Variants in CACNA1H observed in about 807,000 individuals in gnomAD.
CACNA1H encodes voltage-dependent T-type calcium channel subunit alpha-1H.
A neutral mutation model predicts 192.5 loss-of-function variants in CACNA1H; 149 were observed. That is an observed-to-expected ratio of 0.77 (90% CI 0.68 to 0.89). The LOEUF is 0.89. CACNA1H is among the 40% of genes least tolerant of loss of function. The probability of loss-of-function intolerance (pLI) is 0.00; values close to 1 mark genes in which losing one functional copy is unlikely to be tolerated. For missense variants in CACNA1H, 4,257 were observed against 3,423.5 expected (o/e 1.24, Z -6.08); for synonymous variants, 2,202 against 1,475.2 (o/e 1.49, Z -11.29).
intron 2 of CACNA1H, among the ~76,000 whole-genome samples, chr16:1,172,575 G>T (rs541186763): frequency 6.6e-6 from 1 of 152,286 alleles, no homozygotes; most frequent in South Asian, 2.1e-4. Context: ...TGGGTAGTCT[G>T]CACTCCACAC....
intron 2 of CACNA1H, among the ~76,000 whole-genome samples, chr16:1,173,079 TGGGAAGCC>T (rs1964526943): frequency 6.6e-6 from 1 of 151,890 alleles, no homozygotes; most frequent in African/African-American, 2.4e-5. Flanking sequence ...CCTGGGGAGC[TGGGAAGCC>T]CAAGTGTCCT....
intron 27 of CACNA1H, among the ~76,000 whole-genome samples, chr16:1,214,464 C>G (rs1169094000): frequency 6.6e-6 from 1 of 152,226 alleles, no homozygotes; most frequent in Non-Finnish European, 1.5e-5. Context: ...GGGGCAGGAT[C>G]TTCCCTCTCC....
At position 1,211,574 on chromosome 16, in the gene CACNA1H, C is replaced by A; in HGVS notation, c.4444C>A (p.Arg1482=). 6.2e-7 allele frequency: 1 copy of A among 1,610,350 alleles called. No individual in the cohort carries two copies. The highest frequency in any genetic ancestry group is 1.1e-5 in the South Asian group (1 of 90,762). The change falls in exon 23 of 35, where the codon CGA becomes AGA. Residue 1482 remains arginine (R), a synonymous_variant. Transcript: ENST00000348261. ...CCGGGCCGCCCACTACCGCTGGGTGCGACGCAAGTACAACTTCGACAACCT... is the reference window on the plus strand; with the variant it reads ...CCGGGCCGCCCACTACCGCTGGGTGAGACGCAAGTACAACTTCGACAACCT... ...QCRAAHYRWV[R]RKYNFDNLGQ...
At chr16:1,200,074 G>A (rs572941940) in intron 6 of CACNA1H, among the ~76,000 whole-genome samples, 182 bp from the exon 7 acceptor site, 1 of 152,010 alleles carries the variant, frequency 6.6e-6, no homozygotes, top group African/African-American at 2.4e-5. Flanking sequence ...TCCGGGTCTT[G>A]ACCCTCAGTC....
intron 16 of CACNA1H, 113 bp from the exon 17 acceptor site, chr16:1,208,919 G>A (rs1969087134): frequency 5.2e-6 from 6 of 1,143,726 alleles, no homozygotes; most frequent in African/African-American, 4.9e-5. Flanking sequence ...CTCCCTGGCG[G>A]GGCTATGCAT....
chr16:1,195,924 A>G lies in CACNA1H; in HGVS notation c.546-2A>G. 6.2e-7 allele frequency: 1 copy of G among 1,611,002 alleles called. No homozygotes were observed. The highest frequency in any genetic ancestry group is 8.5e-7 in the Non-Finnish European group (1 of 1,178,928). On this transcript the variant is annotated splice_acceptor_variant, in intron 4 of 34. Coordinates refer to ENST00000348261, the MANE Select transcript of CACNA1H (RefSeq NM_021098.3). LOFTEE classifies it high-confidence loss of function. Reference sequence around the variant, plus strand: ...GCTGCTCCCCCTCGGCCCCGCCCCCAGCATGATGGAGTACTCGTTGGACGG... The same window carrying G: ...GCTGCTCCCCCTCGGCCCCGCCCCCGGCATGATGGAGTACTCGTTGGACGG...
chr16:1,154,051 C>CGGCGGGG lies in CACNA1H; in HGVS notation c.299+34_299+40dup, dbSNP rs147910127. The CGGCGGGG allele has an allele frequency of 1.0e-4, 68 of 661,458 alleles. No individual in the cohort carries two copies. In the East Asian group the frequency reaches 1.4e-3, roughly 13 times the overall value. 41.0% of individuals were successfully genotyped at this position (661,458 alleles called of 1,614,324 possible). On this transcript the variant is annotated intron_variant, in intron 2 of 34. Coordinates refer to ENST00000348261, the MANE Select transcript of CACNA1H (RefSeq NM_021098.3). The stretch of plus-strand genomic sequence containing the variant: ...GTCTGCAACCCATATCCTTCCCGGC[C>CGGCGGGG]GGCGGGGGGCGGGGGGCGGGGGGCG...
rs1236463474 is a variant in CACNA1H, at chr16:1,209,039, T to C, written c.3371T>C (p.Leu1124Pro). ...ACTCCCGCCACCCCCCAGGCCAGCCTCCGAAGTTCTCCCTGTGCCCCCTGG... is the reference window on the plus strand; with the variant it reads ...ACTCCCGCCACCCCCCAGGCCAGCCCCCGAAGTTCTCCCTGTGCCCCCTGG... ...PLGDQKPPAS[L>P]RSSPCAPWGP... Residue 1124 changes from leucine to proline, a missense_variant, in exon 17 of 35, where the codon CTC becomes CCC. Physicochemically the swap from Leu to Pro is moderately conservative, Grantham distance 98 (BLOSUM62 -3). Coordinates refer to ENST00000348261, the MANE Select transcript of CACNA1H (RefSeq NM_021098.3). 1 of 1,513,190 alleles carries C rather than the reference T, an allele frequency of 6.6e-7. No individual in the cohort carries two copies. The highest frequency in any genetic ancestry group is 8.8e-7 in the Non-Finnish European group (1 of 1,137,650). The allele number at this position is 1,513,190 out of a possible 1,614,324, so 93.7% of individuals were successfully genotyped here.
chr16:1,202,272 C>G lies in CACNA1H; in HGVS notation c.1822C>G (p.Leu608Val). 2 of 1,578,974 alleles carry G rather than the reference C, an allele frequency of 1.3e-6. No individual in the cohort carries two copies. The highest frequency in any genetic ancestry group is 2.7e-5 in the African/African-American group (2 of 74,130). ...AAASLRLATGLGTMNYPTILP... is the reference protein window; with the variant it reads ...AAASLRLATGVGTMNYPTILP... ...TGCCAGCCTCAGACTGGCCACAGGGCTGGGCACCATGAACTACCCCACGAT... is the reference window on the plus strand; with the variant it reads ...TGCCAGCCTCAGACTGGCCACAGGGGTGGGCACCATGAACTACCCCACGAT... Residue 608 changes from leucine to valine, a missense_variant, in exon 9 of 35, where the codon CTG (leucine) becomes GTG (valine). Physicochemically the swap from Leu to Val is conservative, Grantham distance 32. Transcript: ENST00000348261.
chr16:1,177,169 C>G (rs531986449), intron 2 of CACNA1H, among the ~76,000 whole-genome samples: 1 of 152,208 alleles, frequency 6.6e-6, no homozygotes, highest in Non-Finnish European at 1.5e-5. Context: ...AAGGACATCT[C>G]GGACTCTCGG....
chr16:1,171,199 G>A (rs976962413), intron 2 of CACNA1H, among the ~76,000 whole-genome samples: 6 of 152,042 alleles, frequency 3.9e-5, no homozygotes, highest in Non-Finnish European at 7.4e-5. Flanking sequence ...CCAGCTGTCT[G>A]CTCACCCCCG....
chr16:1,206,101 C>A lies in CACNA1H; in HGVS notation c.2604-3C>A. On this transcript the variant is annotated splice_region_variant and splice_polypyrimidine_tract_variant and intron_variant, in intron 11 of 34. Transcript: ENST00000348261. The stretch of plus-strand genomic sequence containing the variant: ...GCTGACCCTCGCCCCCACCTGTCCG[C>A]AGCGTCTGGGAGATCGTGGGGCAGG... 1 of 1,568,750 alleles carries A rather than the reference C, an allele frequency of 6.4e-7. No homozygotes were observed. The highest frequency in any genetic ancestry group is 8.6e-7 in the Non-Finnish European group (1 of 1,160,018).
At chr16:1,182,628 G>T (rs1031430485) in intron 2 of CACNA1H, among the ~76,000 whole-genome samples, 1 of 152,162 alleles carries the variant, frequency 6.6e-6, no homozygotes, top group Non-Finnish European at 1.5e-5. Context: ...TGGGGAGAGG[G>T]GCTCCCACAT....
intron 26 of CACNA1H, 110 bp from the exon 27 acceptor site, chr16:1,213,670 C>A: frequency 1.4e-6 from 1 of 738,952 alleles, no homozygotes; most frequent in Non-Finnish European, 2.1e-6. Context: ...GAGCCGTGGG[C>A]CCCCAACTTC....
rs781521918 is a variant in CACNA1H, at chr16:1,211,772, C to T, written c.4533C>T (p.Tyr1511=). Residue 1511 remains tyrosine (Y), a synonymous_variant, in exon 24 of 35, where the codon TAC becomes TAT. Coordinates refer to ENST00000348261, the MANE Select transcript of CACNA1H (RefSeq NM_021098.3). ...SSKDGWVNIM[Y]DGLDAVGVDQ... ...AGGATGGATGGGTGAACATCATGTACGACGGGCTGGATGCCGTGGGTGTCG... is the reference window on the plus strand; with the variant it reads ...AGGATGGATGGGTGAACATCATGTATGACGGGCTGGATGCCGTGGGTGTCG... 10 of 1,612,726 alleles carry T rather than the reference C, an allele frequency of 6.2e-6. No homozygotes were observed. The highest frequency in any genetic ancestry group is 1.1e-5 in the South Asian group (1 of 91,090).
In CACNA1H at chr16:1,167,527, G is replaced by A. The variant is rs1963920254; in HGVS notation, c.299+13491G>A. On this transcript the variant is annotated intron_variant, in intron 2 of 34. Coordinates refer to ENST00000348261, the MANE Select transcript of CACNA1H (RefSeq NM_021098.3). This position sits in a 1 kb window ranked among gnomAD's most constrained non-coding sequence, Gnocchi z 4.2. The stretch of plus-strand genomic sequence containing the variant: ...AACCTGTTGCTAATGAATCTCTGGG[G>A]TTTCCTGTTACCTTTGCCAAGTCGA... Among the ~76,000 whole-genome samples the A allele has an allele frequency of 1.3e-5, 2 of 152,194 alleles. No individual in the cohort carries two copies. The highest frequency in any genetic ancestry group is 1.3e-4 in the Admixed American group (2 of 15,286).
At chr16:1,219,396 C>T (rs879698253) in intron 34 of CACNA1H, among the ~76,000 whole-genome samples, 100 of 152,264 alleles carry the variant, frequency 6.6e-4, no homozygotes, top group African/African-American at 1.6e-3. Context: ...TCAGGCCCCA[C>T]GGTGGGCAGA....
At position 1,189,397 on chromosome 16, in the gene CACNA1H, C is replaced by CT. The variant is rs3990780; in HGVS notation, c.300-5538dup. Among the ~76,000 whole-genome samples, 271 of 45,020 alleles carry CT rather than the reference C, an allele frequency of 6.0e-3. 86 individuals are homozygous for CT. Among genetic ancestry groups the CT allele is most frequent in the Middle Eastern group, 0.017 (1 of 60 alleles). 29.5% of individuals were successfully genotyped at this position (45,020 alleles called of 152,430 possible). On this transcript the variant is annotated intron_variant, in intron 2 of 34. Coordinates refer to ENST00000348261, the MANE Select transcript of CACNA1H (RefSeq NM_021098.3). ...CCTGGCAGGTGCCCTGAAGAGTGTC[C>CT]TTTTTTTTTTTTTTTTTTTTTTTTT...
intron 30 of CACNA1H, 132 bp downstream of exon 30, chr16:1,215,725 C>T (rs1969971196): frequency 9.6e-6 from 7 of 731,642 alleles, no homozygotes; most frequent in Admixed American, 8.9e-5. Context: ...AGCTGCGTCC[C>T]TGCTGTGTGC....
Sources: allele counts gnomAD v4.1 joint callset (sites outside exome capture counted in the v4.1 genomes callset), GRCh38; gene constraint gnomAD v4.1.1; non-coding constraint Gnocchi (gnomAD v3.1); transcripts MANE v1.5; gene names NCBI Gene and HGNC (gene_info 2026-07-23, HGNC 2026-07-21).